The following DNM3 variants were observed in gnomAD, a reference collection of about 807,000 sequenced individuals.
DNM3 encodes dynamin-3.
In DNM3, 47 loss-of-function variants were observed where a neutral mutation model predicts 101.6. The observed-to-expected ratio is 0.46, with a 90% CI of 0.37 to 0.59. The LOEUF is 0.59. Ranked by LOEUF, DNM3 falls within the 20% of genes least tolerant of loss-of-function variation. DNM3 has a pLI of 0.00. For missense variants in DNM3, 849 were observed against 1,085.7 expected, an observed-to-expected ratio of 0.78 and a Z score of 3.06; for synonymous variants, 385 against 387.9, an observed-to-expected ratio of 0.99 and a Z score of 0.09.
intron 10 of DNM3, among the ~76,000 whole-genome samples, chr1:172,050,190 A>G (rs911526679): frequency 6.6e-6 from 1 of 151,936 alleles, no homozygotes; most frequent in Non-Finnish European, 1.5e-5. Context: ...GCCCTCACCT[A>G]CTCTTCAGAA....
chr1:172,103,339 C>A (rs962651932), intron 13 of DNM3, among the ~76,000 whole-genome samples: 3 of 152,174 alleles, frequency 2.0e-5, no homozygotes, highest in African/African-American at 7.2e-5. Context: ...GTATCCCTAA[C>A]AATGTCTAAA....
chr1:172,412,818 A>AGAG (rs1394216153), downstream of DNM3: 1 of 875,130 alleles, frequency 1.1e-6, no homozygotes, highest in African/African-American at 1.8e-5. Context: ...AAATTGTCCC[A>AGAG]GAGTTACCAA....
intron 15 of DNM3, among the ~76,000 whole-genome samples, chr1:172,292,328 G>A (rs947520322): frequency 6.6e-6 from 1 of 152,172 alleles, no homozygotes; most frequent in South Asian, 2.1e-4. Flanking sequence ...ATGGATTTGA[G>A]CAGGTGTTCA....
At chr1:172,008,050 T>C (rs573620850) in intron 4 of DNM3, among the ~76,000 whole-genome samples, 9 of 152,232 alleles carry the variant, frequency 5.9e-5, no homozygotes, top group African/African-American at 2.2e-4. Flanking sequence ...TAAAGTCAGA[T>C]GGTTTGTTTG....
intron 13 of DNM3, among the ~76,000 whole-genome samples, chr1:172,128,717 T>C (rs2148061498): frequency 6.6e-6 from 1 of 152,312 alleles, no homozygotes; most frequent in African/African-American, 2.4e-5. Context: ...TCAACCACCA[T>C]ATGTGGTTAG....
In DNM3 at chr1:172,308,838, T is replaced by A; in HGVS notation, c.1880T>A (p.Val627Glu). 1.9e-6 allele frequency: 3 copies of A among 1,575,578 alleles called. No individual in the cohort carries two copies. Among genetic ancestry groups the A allele is most frequent in the Middle Eastern group, 3.5e-4 (2 of 5,768 alleles). ...LRAGVYPDKS[V>E]GNNKAENDEN... The stretch of plus-strand genomic sequence containing the variant: ...GCTGGGGTCTATCCTGACAAATCTG[T>A]AGTAAGTTGGATATATCTCTTATGT... The change falls in exon 16 of 21, where the codon GTA (valine) becomes GAA (glutamate). Residue 627 changes from valine to glutamate, a missense_variant and splice_region_variant. Physicochemically the swap from Val to Glu is moderately radical, Grantham distance 121 (BLOSUM62 -2). This residue lies in a region of DNM3 where 256 missense variants were observed against 311.7 expected (regional missense o/e 0.82). Transcript: ENST00000627582.
chr1:172,385,454 G>A (rs935449487), intron 18 of DNM3, among the ~76,000 whole-genome samples: 6 of 152,086 alleles, frequency 3.9e-5, no homozygotes, highest in African/African-American at 1.2e-4. Flanking sequence ...CACAACTATC[G>A]TGCATAAACC....
At chr1:172,248,029 A>C (rs950924222) in intron 14 of DNM3, among the ~76,000 whole-genome samples, 6 of 152,108 alleles carry the variant, frequency 3.9e-5, no homozygotes, top group Non-Finnish European at 8.8e-5. Flanking sequence ...AAGTTCTACC[A>C]TTTTTGAAAA....
chr1:172,003,269 A>G (rs770562318), intron 4 of DNM3, among the ~76,000 whole-genome samples: 1 of 152,172 alleles, frequency 6.6e-6, no homozygotes, highest in Non-Finnish European at 1.5e-5. Flanking sequence ...AACACAATTA[A>G]TAGTTTCCTA....
chr1:171,866,452 T>C (rs2034755786), intron 1 of DNM3, among the ~76,000 whole-genome samples: 1 of 151,930 alleles, frequency 6.6e-6, no homozygotes, highest in South Asian at 2.1e-4. Context: ...TTTTGCTCCT[T>C]CTATTCCTCC....
At chr1:172,392,165 T>C (rs141144243) in intron 20 of DNM3, among the ~76,000 whole-genome samples, 7 of 152,346 alleles carry the variant, frequency 4.6e-5, no homozygotes, top group East Asian at 3.9e-4. Context: ...TTTATGTGCA[T>C]GGAGCCTTTC....
At chr1:172,016,927 A>G (rs1436966364) in intron 4 of DNM3, among the ~76,000 whole-genome samples, 1 of 152,090 alleles carries the variant, frequency 6.6e-6, no homozygotes, top group African/African-American at 2.4e-5. Flanking sequence ...TGTTTCAATC[A>G]TAGCTCATTG....
chr1:172,306,967 G>A (rs1260069740), intron 15 of DNM3, among the ~76,000 whole-genome samples: 2 of 152,122 alleles, frequency 1.3e-5, no homozygotes. Flanking sequence ...ATAGGCATGG[G>A]CAAGGACTTC....
At chr1:172,373,015 A>G (rs564877728) in intron 17 of DNM3, among the ~76,000 whole-genome samples, 2 of 152,000 alleles carry the variant, frequency 1.3e-5, no homozygotes, top group Non-Finnish European at 2.9e-5. Flanking sequence ...CATTTTATCA[A>G]ATATTTCATT....
chr1:171,847,257 A>G (rs958734167), intron 1 of DNM3, among the ~76,000 whole-genome samples: 1 of 152,226 alleles, frequency 6.6e-6, no homozygotes, highest in Admixed American at 6.5e-5. Context: ...AAAAAATTAT[A>G]GTATGTCAAT....
At chr1:172,268,294 T>G (rs1380691260) in intron 15 of DNM3, among the ~76,000 whole-genome samples, 1 of 151,366 alleles carries the variant, frequency 6.6e-6, no homozygotes, top group Non-Finnish European at 1.5e-5. Context: ...AAAAAAAAAT[T>G]GTATATTTTG....
rs562234727 is a variant in DNM3 at position 171,925,522 on chromosome 1, G to C, written c.235+3701G>C. 1.1e-4 allele frequency among the ~76,000 whole-genome samples: 17 copies of C among 151,960 alleles called. 1 individual carries two copies. The South Asian group carries it at 3.5e-3, about 32-fold the overall frequency. Reference sequence around the variant, plus strand: ...TGGGATTACAGGTGTGAGCCACCGTGCCTGGCCTTTGCCCACTTTTTAATG... The same window carrying C: ...TGGGATTACAGGTGTGAGCCACCGTCCCTGGCCTTTGCCCACTTTTTAATG... On this transcript the variant is annotated intron_variant, in intron 2 of 20. Transcript: ENST00000627582.
chr1:172,129,901 G>C (rs992253083), intron 13 of DNM3, among the ~76,000 whole-genome samples: 4 of 152,264 alleles, frequency 2.6e-5, no homozygotes, highest in South Asian at 2.1e-4. Flanking sequence ...CATTAGCCCA[G>C]ACTGGAGAGG....
At chr1:172,371,641 A>G (rs899401016) in intron 17 of DNM3, among the ~76,000 whole-genome samples, 1 of 151,894 alleles carries the variant, frequency 6.6e-6, no homozygotes, top group Non-Finnish European at 1.5e-5. Flanking sequence ...AAGCACAGAA[A>G]TTAAGGCTTA....
Sources: allele counts gnomAD v4.1 joint callset (sites outside exome capture counted in the v4.1 genomes callset), GRCh38; gene constraint gnomAD v4.1.1; regional missense constraint gnomAD v4.1.1; transcripts MANE v1.5; gene names NCBI Gene and HGNC (gene_info 2026-07-23, HGNC 2026-07-21).